Variants in CRYAB observed in about 807,000 individuals in gnomAD.
CRYAB encodes crystallin alpha B.
CRYAB carries 9 observed loss-of-function variants against 12.7 expected under a neutral mutation model. That is an observed-to-expected ratio of 0.71 (90% CI 0.43 to 1.24). The LOEUF (loss-of-function observed/expected upper bound fraction) is 1.24. CRYAB is among the 50% of genes most tolerant of loss of function. The probability of loss-of-function intolerance (pLI) is 0.00; values close to 1 mark genes in which losing one functional copy is unlikely to be tolerated. For missense variants in CRYAB, 183 were observed against 226.6 expected, an observed-to-expected ratio of 0.81 and a Z score of 1.24; for synonymous variants, 93 against 86.8, an observed-to-expected ratio of 1.07 and a Z score of -0.40.
chr11:111,910,661 C>A (rs1392572028), intron 1 of CRYAB: 3 of 636,558 alleles, frequency 4.7e-6, no homozygotes, highest in Non-Finnish European at 8.2e-6. Context: ...CAGACCCAAA[C>A]TTTATTTACA....
At chr11:111,918,401 C>CT (rs1965630277) in intron 1 of CRYAB, among the ~76,000 whole-genome samples, 1 of 152,102 alleles carries the variant, frequency 6.6e-6, no homozygotes, top group East Asian at 1.9e-4. Context: ...AAGTGATTTG[C>CT]CCACATCGAT....
chr11:111,912,947 T>TCCCCCCCCCCCCC, upstream of CRYAB: 2 of 1,143,318 alleles, frequency 1.7e-6, no homozygotes, highest in South Asian at 1.3e-5. Flanking sequence ...ACCACCCCCT[T>TCCCCCCCCCCCCC]GCCCCCCACC....
In CRYAB at chr11:111,918,983, G is replaced by A. The variant is rs782058169; in HGVS notation, c.-199+4720C>T. 13 of 1,614,086 alleles carry A rather than the reference G, an allele frequency of 8.1e-6. No homozygotes were observed. The East Asian group carries it at 2.7e-4, about 33-fold the overall frequency. On this transcript the variant is annotated intron_variant, in intron 1 of 3. Coordinates refer to the CRYAB transcript ENST00000527950. ...TGGAGACAGAGCGCCATGGGAAACC[G>A]GGTCTGCTGCGGAGGAAGCTGGTGA... is the stretch of plus-strand genomic sequence containing the variant.
upstream of CRYAB, chr11:111,912,251 ACATGTCAGCACCAGC>A (rs1965485603): frequency 5.4e-6 from 1 of 186,366 alleles, no homozygotes; most frequent in Non-Finnish European, 1.1e-5. Context: ...GTGATGGTCA[ACATGTCAGCACCAGC>A]CATCTGCCTC....
intron 1 of CRYAB, among the ~76,000 whole-genome samples, chr11:111,919,476 A>G (rs1965653737): frequency 2.7e-5 from 4 of 149,668 alleles, no homozygotes; most frequent in Admixed American, 2.7e-4. Context: ...TCTCAACAAC[A>G]ACAACAACAA....
chr11:111,909,988 T>G, intron 2 of CRYAB: 1 of 602,398 alleles, frequency 1.7e-6, no homozygotes, highest in East Asian at 2.7e-5. Flanking sequence ...GCACATATGC[T>G]AATTGGTCTG....
At chr11:111,912,632 GCTGGTCAC>G, upstream of CRYAB, 1 of 599,608 alleles carries the variant, frequency 1.7e-6, no homozygotes, top group South Asian at 2.0e-5. Flanking sequence ...TCCGGGCGGC[GCTGGTCAC>G]ACCCTCGTTG....
chr11:111,910,348 A>G lies in CRYAB; in HGVS notation c.303T>C (p.His101=), dbSNP rs1592508069. Residue 101 remains histidine (H), a synonymous_variant, in exon 2 of 3, where the codon CAT becomes CAC. Transcript: ENST00000650687. ...ATACCTGGCGCTCTTCATGTTTTCC[A>G]TGCACCTCAATCACATCTCCCAACA... ...VKVLGDVIEV[H]GKHEERQDEH... The G allele has an allele frequency of 6.2e-7, 1 of 1,614,230 alleles. No homozygotes were observed. Among genetic ancestry groups the G allele is most frequent in the Non-Finnish European group, 8.5e-7 (1 of 1,180,036 alleles).
At chr11:111,910,261 C>T in intron 2 of CRYAB, 66 bp downstream of exon 2, 1 of 1,600,652 alleles carries the variant, frequency 6.2e-7, no homozygotes, top group Non-Finnish European at 8.5e-7. Flanking sequence ...AAGCTGATAG[C>T]ACTACCTGGA....
upstream of CRYAB, chr11:111,912,494 A>G (rs879972228): frequency 1.4e-4 from 62 of 429,780 alleles, no homozygotes; most frequent in South Asian, 1.8e-3. Flanking sequence ...TGAGGGTCTC[A>G]GCGAGGCCTC....
intron 2 of CRYAB, 125 bp from the exon 3 acceptor site, chr11:111,909,092 T>C: frequency 1.1e-6 from 1 of 931,386 alleles, no homozygotes; most frequent in Middle Eastern, 2.1e-4. Context: ...ATAGGAAAAA[T>C]AAATAGAGCT....
At chr11:111,916,389 C>A (rs988868174), upstream of CRYAB, among the ~76,000 whole-genome samples, 1 of 152,034 alleles carries the variant, frequency 6.6e-6, no homozygotes, top group African/African-American at 2.4e-5. Flanking sequence ...CGCCACAACA[C>A]CTGGCTAATT....
intron 1 of CRYAB, among the ~76,000 whole-genome samples, chr11:111,923,389 G>T (rs782354228): frequency 8.5e-5 from 13 of 152,216 alleles, no homozygotes; most frequent in Non-Finnish European, 1.8e-4. Context: ...TAGTCCTCAT[G>T]ATTTAGAAGT....
intron 1 of CRYAB, chr11:111,918,875 A>T: frequency 7.1e-7 from 1 of 1,415,936 alleles, no homozygotes; most frequent in Non-Finnish European, 9.9e-7. Flanking sequence ...ACTGACACAG[A>T]CTCCGGGAGC....
upstream of CRYAB, among the ~76,000 whole-genome samples, chr11:111,914,841 C>T (rs4252593): frequency 0.047 from 7,180 of 152,096 alleles, 559 homozygotes; most frequent in African/African-American, 0.16. Flanking sequence ...TTTGGGAGGC[C>T]GAGGCAGGAG....
chr11:111,918,758 C>A, intron 1 of CRYAB: 2 of 685,560 alleles, frequency 2.9e-6, no homozygotes, highest in Non-Finnish European at 5.4e-6. Context: ...AGATAGCTCT[C>A]ACCTGGAGCC....
intron 1 of CRYAB, chr11:111,918,926 C>G (rs373218388): frequency 5.0e-5 from 80 of 1,609,708 alleles, no homozygotes; most frequent in Non-Finnish European, 6.0e-5. Context: ...AATGCACAAG[C>G]CTCTTGATGC....
At chr11:111,916,523 A>G (rs1965600300), upstream of CRYAB, among the ~76,000 whole-genome samples, 1 of 152,230 alleles carries the variant, frequency 6.6e-6, no homozygotes, top group Non-Finnish European at 1.5e-5. Context: ...ACACCCAGCC[A>G]TGCCTTGTTC....
At chr11:111,913,163 C>T, upstream of CRYAB, 1 of 603,794 alleles carries the variant, frequency 1.7e-6, no homozygotes, top group South Asian at 2.0e-5. Context: ...CCTGGGTGTG[C>T]CTCCTTGTCC....
Sources: allele counts gnomAD v4.1 joint callset (sites outside exome capture counted in the v4.1 genomes callset), GRCh38; gene constraint gnomAD v4.1.1; transcripts MANE v1.5; gene names NCBI Gene and HGNC (gene_info 2026-07-23, HGNC 2026-07-21).